ART3: variants seen among roughly 807,000 people sequenced by gnomAD.
The protein encoded by ART3 is ecto-ADP-ribosyltransferase 3.
ART3 carries 49 observed loss-of-function variants against 48.5 expected under a neutral mutation model. The ratio of observed to expected loss-of-function variants is 1.01; its 90% CI spans 0.80 to 1.28. The LOEUF is 1.28. Among genes scored for constraint, ART3 ranks in the 50% most tolerant of loss-of-function variants. ART3 has a pLI of 0.00. For synonymous variants in ART3, 145 were observed against 157.2 expected, an observed-to-expected ratio of 0.92 and a Z score of 0.58; for missense variants, 438 against 454.3, an observed-to-expected ratio of 0.96 and a Z score of 0.33.
At chr4:76,028,196 A>G (rs1478246758) in intron 1 of ART3, among the ~76,000 whole-genome samples, 2 of 152,118 alleles carry the variant, frequency 1.3e-5, no homozygotes, top group Non-Finnish European at 2.9e-5. Flanking sequence ...AAACTTTTAG[A>G]GACAGTAGCA....
chr4:76,060,664 T>C (rs1719130664), intron 1 of ART3, among the ~76,000 whole-genome samples: 1 of 152,154 alleles, frequency 6.6e-6, no homozygotes, highest in Non-Finnish European at 1.5e-5. Context: ...CCCACTGTAA[T>C]AACATGGGCA....
chr4:76,082,341 A>G lies in ART3; in HGVS notation c.587A>G (p.Asp196Gly). Residue 196 changes from aspartate to glycine, a missense_variant, in exon 3 of 12, where the codon GAC (aspartate) becomes GGC (glycine). Around this residue, in one of 3 missense-constraint regions of ART3, gnomAD observed 227 missense variants for 229.6 expected, o/e 0.99. Coordinates refer to ENST00000355810, the MANE Select transcript of ART3 (RefSeq NM_001130016.3). ...AYSAKPQAAN[D>G]QLTVLSIYTC... The stretch of plus-strand genomic sequence containing the variant: ...TCAGCCAAACCTCAGGCTGCTAATG[A>G]CCAGCTCACTGTGTTATCCATCTAC... 1.2e-6 allele frequency: 2 copies of G among 1,614,136 alleles called. No individual in the cohort carries two copies. The highest frequency in any genetic ancestry group is 1.7e-6 in the Non-Finnish European group (2 of 1,180,030).
At chr4:76,064,503 A>G (rs1178101268) in intron 1 of ART3, among the ~76,000 whole-genome samples, 1 of 152,224 alleles carries the variant, frequency 6.6e-6, no homozygotes, top group East Asian at 1.9e-4. Context: ...TTGTCTTTAT[A>G]CTAAAGAATA....
chr4:76,039,604 C>G lies in ART3; in HGVS notation c.-10+28284C>G, dbSNP rs1223173811. On this transcript the variant is annotated intron_variant, in intron 1 of 9. Coordinates refer to the ART3 transcript ENST00000341029. ...AAAATAGCATACTAATCATAAAAAT[C>G]ACTTACAGAAAGTGCATGAATGCAA... Among the ~76,000 whole-genome samples, 5 of 152,124 alleles carry G rather than the reference C, an allele frequency of 3.3e-5. No homozygotes were observed. In the East Asian group the frequency reaches 9.6e-4, roughly 29 times the overall value.
At chr4:76,051,117 G>A (rs893570951) in intron 1 of ART3, among the ~76,000 whole-genome samples, 18 of 152,274 alleles carry the variant, frequency 1.2e-4, no homozygotes, top group African/African-American at 4.1e-4. Flanking sequence ...GTGCAGCAGT[G>A]GGCTGAAGGG....
At chr4:76,040,858 T>G (rs1178350277) in intron 1 of ART3, among the ~76,000 whole-genome samples, 1 of 152,160 alleles carries the variant, frequency 6.6e-6, no homozygotes, top group Non-Finnish European at 1.5e-5. Context: ...CTTCATCTCC[T>G]TGAACCACAA....
chr4:76,027,248 C>T (rs113416633), intron 1 of ART3, among the ~76,000 whole-genome samples: 61 of 151,778 alleles, frequency 4.0e-4, no homozygotes, highest in Non-Finnish European at 5.3e-4. Context: ...AGCGAAACTC[C>T]GTTTCAAAAA....
chr4:76,081,736 G>T, intron 2 of ART3, 88 bp from the exon 3 acceptor site: 3 of 1,392,542 alleles, frequency 2.2e-6, no homozygotes, highest in South Asian at 1.4e-5. Context: ...TTTGGCAAGG[G>T]ATGAGAAGGT....
chr4:76,090,403 T>A (rs560707696), intron 3 of ART3, among the ~76,000 whole-genome samples: 4 of 152,352 alleles, frequency 2.6e-5, no homozygotes, highest in Non-Finnish European at 4.4e-5. Flanking sequence ...GTAACAGCCC[T>A]GCAGAAAGAG....
intron 1 of ART3, among the ~76,000 whole-genome samples, chr4:76,050,790 G>A (rs1735992855): frequency 6.6e-6 from 1 of 152,212 alleles, no homozygotes; most frequent in African/African-American, 2.4e-5. Context: ...TGCAGGTCCT[G>A]AGCCCTGCCC....
At chr4:76,104,280 A>T in intron 9 of ART3, 3 of 899,124 alleles carry the variant, frequency 3.3e-6, no homozygotes, top group Non-Finnish European at 4.0e-6. Context: ...AAGTTATTCA[A>T]TAGAAACCTA....
At chr4:76,077,430 C>T (rs6532173) in intron 2 of ART3, among the ~76,000 whole-genome samples, 58,031 of 152,044 alleles carry the variant, frequency 0.38, 13,053 homozygotes, top group African/African-American at 0.62. Context: ...GACATTTGGG[C>T]TGTTTCCACT....
At chr4:76,027,423 A>T (rs1733502323) in intron 1 of ART3, among the ~76,000 whole-genome samples, 1 of 152,178 alleles carries the variant, frequency 6.6e-6, no homozygotes, top group Admixed American at 6.5e-5. Flanking sequence ...AATGTTACTT[A>T]AGTAAGTGGC....
chr4:76,064,257 C>A (rs1304031150), intron 1 of ART3, among the ~76,000 whole-genome samples: 1 of 152,118 alleles, frequency 6.6e-6, no homozygotes, highest in Non-Finnish European at 1.5e-5. Flanking sequence ...CCAACAACCA[C>A]CATGATCACC....
chr4:76,071,555 C>T (rs12510239), upstream of ART3, among the ~76,000 whole-genome samples: 31,365 of 152,080 alleles, frequency 0.21, 5,506 homozygotes, highest in African/African-American at 0.48. Flanking sequence ...ACCAGGCTTT[C>T]ATCTCCACTC....
At chr4:76,033,859 T>A (rs1231377466) in intron 1 of ART3, 1 of 152,254 alleles carries the variant, frequency 6.6e-6, no homozygotes, top group African/African-American at 2.4e-5. Flanking sequence ...TTGCTAGGTA[T>A]ACATTTGCTT....
intron 1 of ART3, among the ~76,000 whole-genome samples, chr4:76,057,112 T>C (rs1402257788): frequency 2.6e-5 from 4 of 152,216 alleles, no homozygotes; most frequent in African/African-American, 9.6e-5. Context: ...GCATGAAAAC[T>C]ACAAAATTAT....
intron 1 of ART3, among the ~76,000 whole-genome samples, chr4:76,065,242 T>A (rs897414808): frequency 2.0e-5 from 3 of 152,238 alleles, no homozygotes; most frequent in Admixed American, 6.5e-5. Flanking sequence ...GCGAGCTCAC[T>A]GAGTGCTTTT....
chr4:76,085,022 C>T (rs374809885), intron 3 of ART3, among the ~76,000 whole-genome samples: 1 of 152,180 alleles, frequency 6.6e-6, no homozygotes, highest in African/African-American at 2.4e-5. Flanking sequence ...TTTCCTTGAA[C>T]CTGAGCTGTA....
Sources: allele counts gnomAD v4.1 joint callset (sites outside exome capture counted in the v4.1 genomes callset), GRCh38; gene constraint gnomAD v4.1.1; regional missense constraint gnomAD v4.1.1; transcripts MANE v1.5; gene names NCBI Gene and HGNC (gene_info 2026-07-23, HGNC 2026-07-21).